GPR137C: variants seen among roughly 807,000 people sequenced by gnomAD.
GPR137C encodes the protein G protein-coupled receptor 137C, also known as integral membrane protein GPR137C.
GPR137C carries 27 observed loss-of-function variants against 43.4 expected under a neutral mutation model. That is an observed-to-expected ratio of 0.62 (90% CI 0.46 to 0.86). The LOEUF (loss-of-function observed/expected upper bound fraction) is 0.86. Ranked by LOEUF, GPR137C falls within the 40% of genes least tolerant of loss-of-function variation. The pLI is 0.00. For missense variants in GPR137C, 522 were observed against 534.6 expected (o/e 0.98, Z 0.23); for synonymous variants, 285 against 226.9 (o/e 1.26, Z -2.30).
At chr14:52,566,100 CAG>C (rs1200083795) in intron 1 of GPR137C, among the ~76,000 whole-genome samples, 3 of 152,160 alleles carry the variant, frequency 2.0e-5, no homozygotes, top group African/African-American at 4.8e-5. Flanking sequence ...GCCAGTTAAA[CAG>C]AGTTATACAT....
At chr14:52,622,169 A>C (rs1264239570) in intron 3 of GPR137C, among the ~76,000 whole-genome samples, 2 of 151,992 alleles carry the variant, frequency 1.3e-5, no homozygotes, top group Non-Finnish European at 2.9e-5. Context: ...ATTTTAATAG[A>C]CTTTTCAGAT....
intron 1 of GPR137C, among the ~76,000 whole-genome samples, chr14:52,581,601 G>A (rs916950443): frequency 6.6e-6 from 1 of 151,982 alleles, no homozygotes; most frequent in Non-Finnish European, 1.5e-5. Context: ...GGCTAAAGTA[G>A]CTAAATGCTT....
chr14:52,559,281 A>AGC (rs1205496459), intron 1 of GPR137C, among the ~76,000 whole-genome samples: 3 of 152,042 alleles, frequency 2.0e-5, no homozygotes, highest in Non-Finnish European at 4.4e-5. Context: ...GAAGAGAGAG[A>AGC]GAAGGCAGGA....
At chr14:52,629,690 G>A (rs1268269621) in intron 3 of GPR137C, among the ~76,000 whole-genome samples, 1 of 152,186 alleles carries the variant, frequency 6.6e-6, no homozygotes, top group Non-Finnish European at 1.5e-5. Context: ...GGGTTTGGTT[G>A]ATGGAAGGGG....
chr14:52,600,730 T>A (rs2038914778), intron 3 of GPR137C, among the ~76,000 whole-genome samples: 1 of 152,240 alleles, frequency 6.6e-6, no homozygotes, highest in Non-Finnish European at 1.5e-5. Flanking sequence ...AAGAATATAC[T>A]AAGCATGTTG....
At chr14:52,575,989 G>A (rs1344176232) in intron 1 of GPR137C, among the ~76,000 whole-genome samples, 1 of 152,076 alleles carries the variant, frequency 6.6e-6, no homozygotes, top group Non-Finnish European at 1.5e-5. Flanking sequence ...GTTTTTACTG[G>A]GGGTTGGTCA....
At chr14:52,601,647 G>A (rs1382311803) in intron 3 of GPR137C, among the ~76,000 whole-genome samples, 1 of 151,856 alleles carries the variant, frequency 6.6e-6, no homozygotes, top group Non-Finnish European at 1.5e-5. Flanking sequence ...TTCAGGCTTT[G>A]GTTTGACTGT....
At chr14:52,564,229 C>T (rs1487340529) in intron 1 of GPR137C, among the ~76,000 whole-genome samples, 3 of 145,210 alleles carry the variant, frequency 2.1e-5, no homozygotes, top group African/African-American at 5.2e-5. Context: ...GAGCCGAGAT[C>T]GCATCACTGC....
At position 52,632,187 on chromosome 14, in the gene GPR137C, G is replaced by C; in HGVS notation, c.745G>C (p.Val249Leu). The C allele has an allele frequency of 6.2e-7, 1 of 1,605,596 alleles. No homozygotes were observed. The highest frequency in any genetic ancestry group is 8.5e-7 in the Non-Finnish European group (1 of 1,172,626). Residue 249 changes from valine (V) to leucine (L), a missense_variant, in exon 4 of 7, where the codon GTG becomes CTG. Physicochemically the swap from Val to Leu is conservative, Grantham distance 32. Transcript: ENST00000321662. ...TATGTCTCTGTGCCAGACTGTCGTCGTGGGCTCTGTAGTCATTCTTCTGTA... is the reference window on the plus strand; with the variant it reads ...TATGTCTCTGTGCCAGACTGTCGTCCTGGGCTCTGTAGTCATTCTTCTGTA... Reference protein sequence around the residue: ...KGMSLCQTVVVGSVVILLYSS... With the variant: ...KGMSLCQTVVLGSVVILLYSS...
chr14:52,605,841 A>G (rs1225345975), intron 3 of GPR137C, among the ~76,000 whole-genome samples: 1 of 152,170 alleles, frequency 6.6e-6, no homozygotes, highest in Non-Finnish European at 1.5e-5. Flanking sequence ...GCGATATATC[A>G]CATTTGTTGA....
At chr14:52,559,331 G>A (rs748992447) in intron 1 of GPR137C, among the ~76,000 whole-genome samples, 8 of 151,778 alleles carry the variant, frequency 5.3e-5, no homozygotes, top group Admixed American at 1.3e-4. Flanking sequence ...GCAGTGAACC[G>A]AGATCACACC....
intron 3 of GPR137C, among the ~76,000 whole-genome samples, chr14:52,620,788 C>T (rs1404125307): frequency 2.0e-5 from 3 of 151,718 alleles, no homozygotes; most frequent in Admixed American, 6.6e-5. Flanking sequence ...AAATAAATGT[C>T]ACTAGTTGTG....
chr14:52,589,613 T>C (rs1328993918), intron 1 of GPR137C, among the ~76,000 whole-genome samples: 1 of 152,152 alleles, frequency 6.6e-6, no homozygotes, highest in East Asian at 1.9e-4. Context: ...CAGTATACTA[T>C]TTTAGACTCC....
chr14:52,581,798 T>A (rs527307190), intron 1 of GPR137C, among the ~76,000 whole-genome samples: 1 of 152,330 alleles, frequency 6.6e-6, no homozygotes, highest in African/African-American at 2.4e-5. Flanking sequence ...CATTTTTGCA[T>A]CAATTTCAAA....
At chr14:52,599,016 G>A (rs2038891502) in intron 2 of GPR137C, among the ~76,000 whole-genome samples, 1 of 152,138 alleles carries the variant, frequency 6.6e-6, no homozygotes, top group African/African-American at 2.4e-5. Flanking sequence ...ATTTCCAAAG[G>A]CAGCTACTTT....
At chr14:52,612,232 A>T in intron 3 of GPR137C, 1 of 980,212 alleles carries the variant, frequency 1.0e-6, no homozygotes. Flanking sequence ...ACTTAACTGT[A>T]TTTGGAACTC....
chr14:52,625,161 C>T (rs1321397688), intron 3 of GPR137C, among the ~76,000 whole-genome samples: 1 of 152,070 alleles, frequency 6.6e-6, no homozygotes. Context: ...AAAGAAGAAA[C>T]AACACCAATA....
intron 3 of GPR137C, among the ~76,000 whole-genome samples, chr14:52,616,997 G>A (rs902311605): frequency 4.9e-4 from 74 of 152,204 alleles, no homozygotes; most frequent in African/African-American, 1.8e-3. Context: ...TGTCTATACA[G>A]TGTCTCCAGA....
intron 1 of GPR137C, among the ~76,000 whole-genome samples, chr14:52,557,601 T>C (rs567721726): frequency 6.6e-6 from 1 of 152,234 alleles, no homozygotes; most frequent in Non-Finnish European, 1.5e-5. Context: ...ATCTTGATCT[T>C]ATTTCTCCTG....
Sources: allele counts gnomAD v4.1 joint callset (sites outside exome capture counted in the v4.1 genomes callset), GRCh38; gene constraint gnomAD v4.1.1; transcripts MANE v1.5; gene names NCBI Gene and HGNC (gene_info 2026-07-23, HGNC 2026-07-21).